The following PRSS12 variants were observed in gnomAD, a reference collection of about 807,000 sequenced individuals.
PRSS12 encodes the protein neurotrypsin.
A neutral mutation model predicts 104.4 loss-of-function variants in PRSS12; 85 were observed. That is an observed-to-expected ratio of 0.81 (90% CI 0.68 to 0.98). The LOEUF (loss-of-function observed/expected upper bound fraction) is 0.98, where lower values mean the gene tolerates loss of function less well. PRSS12 is among the 50% of genes least tolerant of loss of function. The pLI is 0.00. For synonymous variants in PRSS12, 454 were observed against 425.2 expected (o/e 1.07, Z -0.83); for missense variants, 1,141 against 1,139.2 (o/e 1.00, Z -0.02).
At chr4:118,289,551 T>C (rs995889842) in intron 11 of PRSS12, among the ~76,000 whole-genome samples, 5 of 152,210 alleles carry the variant, frequency 3.3e-5, no homozygotes, top group African/African-American at 1.2e-4. Flanking sequence ...ACATTGCTTC[T>C]AGATTACAGT....
chr4:118,313,417 A>C lies in PRSS12; in HGVS notation c.1293-20T>G. ...CCATATCTGTGACAATTGAATAAAC[A>C]CTGTGTATAGAACTTCTGTCTCTTG... On this transcript the variant is annotated intron_variant, in intron 6 of 12. Transcript: ENST00000296498. 6.2e-7 allele frequency: 1 copy of C among 1,611,822 alleles called. No homozygotes were observed. Among genetic ancestry groups the C allele is most frequent in the Non-Finnish European group, 8.5e-7 (1 of 1,178,020 alleles).
intron 5 of PRSS12, among the ~76,000 whole-genome samples, chr4:118,317,662 A>G (rs533967464): frequency 1.1e-4 from 17 of 152,348 alleles, no homozygotes; most frequent in Admixed American, 2.6e-4. Flanking sequence ...CTGCATGTAT[A>G]GAAGTATGTG....
chr4:118,340,879 CTGAG>C (rs763637068), intron 1 of PRSS12, among the ~76,000 whole-genome samples: 13 of 152,286 alleles, frequency 8.5e-5, no homozygotes, highest in Admixed American at 2.6e-4. Flanking sequence ...TCTCAATAGA[CTGAG>C]TGGGGAAACC....
intron 8 of PRSS12, chr4:118,303,157 C>T (rs1377790363): frequency 2.6e-5 from 4 of 151,306 alleles, no homozygotes; most frequent in Non-Finnish European, 5.9e-5. Context: ...TTAAAGAGAA[C>T]TTCCAGAAAA....
intron 4 of PRSS12, among the ~76,000 whole-genome samples, chr4:118,323,868 AAT>A (rs1723696812): frequency 6.6e-6 from 1 of 151,538 alleles, no homozygotes; most frequent in African/African-American, 2.4e-5. Context: ...TACTTATATA[AAT>A]ATGTGTGTGT....
chr4:118,299,784 TAAAATAAAATAAATAAAATAAAATAAATA>T (rs1743358013), intron 8 of PRSS12, among the ~76,000 whole-genome samples: 2 of 89,036 alleles, frequency 2.2e-5, no homozygotes, highest in African/African-American at 7.4e-5. Context: ...TAAAATAAAA[TAAAATAAAATAAATAAAATAAAATAAATA>T]AAATAAAATA....
At chr4:118,310,784 C>T (rs1481041783) in intron 7 of PRSS12, among the ~76,000 whole-genome samples, 2 of 152,312 alleles carry the variant, frequency 1.3e-5, no homozygotes, top group East Asian at 1.9e-4. Context: ...GGCTCAGTGG[C>T]TCACACCTGT....
In PRSS12 at chr4:118,282,174, C is replaced by T. The variant is rs147071682; in HGVS notation, c.2390G>A (p.Arg797His). The change falls in exon 13 of 13, where the codon CGT (arginine) becomes CAT (histidine). Residue 797 changes from arginine (R) to histidine (H), a missense_variant. Coordinates refer to ENST00000296498, the MANE Select transcript of PRSS12 (RefSeq NM_003619.4). ...TCTCCCTGTAAACCGACCCTTATAACGTTCTTCACAAAACCTTTTAGGAAG... is the reference window on the plus strand; with the variant it reads ...TCTCCCTGTAAACCGACCCTTATAATGTTCTTCACAAAACCTTTTAGGAAG... ...PLLPKRFCEE[R>H]YKGRFTGRML... 2.5e-5 allele frequency: 41 copies of T among 1,614,104 alleles called. No homozygotes were observed. Among genetic ancestry groups the T allele is most frequent in the East Asian group, 6.7e-5 (3 of 44,894 alleles).
chr4:118,352,650 A>T lies in PRSS12; in HGVS notation c.71T>A (p.Val24Asp). The stretch of plus-strand genomic sequence containing the variant: ...GCTGTGGTGGAGGGAATCATTGAGG[A>T]CAGAATCAAAGCCGACCACTTCGGG... ...ALPEVVGFDS[V>D]LNDSLHHSHR... Residue 24 changes from valine (V) to aspartate (D), a missense_variant, in exon 1 of 13, where the codon GTC (valine) becomes GAC (aspartate). Physicochemically the swap from Val to Asp is radical, Grantham distance 152. Transcript: ENST00000296498. The T allele has an allele frequency of 6.2e-7, 1 of 1,613,272 alleles. No homozygotes were observed. Among genetic ancestry groups the T allele is most frequent in the Non-Finnish European group, 8.5e-7 (1 of 1,179,586 alleles).
intron 2 of PRSS12, among the ~76,000 whole-genome samples, chr4:118,336,388 G>A (rs546167185): frequency 5.6e-5 from 3 of 53,920 alleles, no homozygotes; most frequent in African/African-American, 1.0e-4. Flanking sequence ...GTACAAACTG[G>A]CATTAAATTT....
chr4:118,309,299 A>C (rs1215654999), intron 7 of PRSS12, among the ~76,000 whole-genome samples: 1 of 152,202 alleles, frequency 6.6e-6, no homozygotes. Flanking sequence ...TATGATTTTG[A>C]ATCGAAACTC....
At chr4:118,299,230 G>A (rs977396263) in intron 8 of PRSS12, among the ~76,000 whole-genome samples, 6 of 151,972 alleles carry the variant, frequency 3.9e-5, no homozygotes, top group Non-Finnish European at 8.8e-5. Flanking sequence ...TTTAACTCTC[G>A]TTTAAGCAGG....
chr4:118,350,847 C>T (rs1724481335), intron 1 of PRSS12, among the ~76,000 whole-genome samples: 1 of 152,310 alleles, frequency 6.6e-6, no homozygotes, highest in Non-Finnish European at 1.5e-5. Flanking sequence ...CTCTCCTACA[C>T]ATTCATTCTC....
At chr4:118,298,673 T>C in intron 9 of PRSS12, 60 bp downstream of exon 9, 2 of 1,443,024 alleles carry the variant, frequency 1.4e-6, no homozygotes, top group Non-Finnish European at 2.0e-6. Context: ...GTACTGCTTA[T>C]AGTAATGGAA....
intron 1 of PRSS12, among the ~76,000 whole-genome samples, chr4:118,351,565 A>G (rs1724505853): frequency 6.6e-6 from 1 of 152,180 alleles, no homozygotes; most frequent in Non-Finnish European, 1.5e-5. Context: ...AACTATATTA[A>G]GTTGCTACTT....
At chr4:118,316,058 C>T (rs1015020433) in intron 6 of PRSS12, 124 bp downstream of exon 6, 1 of 1,054,608 alleles carries the variant, frequency 9.5e-7, no homozygotes, top group Non-Finnish European at 1.4e-6. Flanking sequence ...GTTGTACTTC[C>T]ATACACAGGT....
intron 11 of PRSS12, among the ~76,000 whole-genome samples, chr4:118,290,036 A>G (rs924876790): frequency 6.6e-6 from 1 of 152,182 alleles, no homozygotes; most frequent in African/African-American, 2.4e-5. Context: ...ATAATTCACT[A>G]TCTGGCAACT....
intron 1 of PRSS12, among the ~76,000 whole-genome samples, chr4:118,344,289 T>C (rs1724294857): frequency 6.6e-6 from 1 of 152,164 alleles, no homozygotes; most frequent in Non-Finnish European, 1.5e-5. Context: ...CTATCAATTA[T>C]AAAATATATT....
At chr4:118,323,629 C>G (rs1213630976) in intron 4 of PRSS12, among the ~76,000 whole-genome samples, 1 of 151,548 alleles carries the variant, frequency 6.6e-6, no homozygotes, top group East Asian at 1.9e-4. Context: ...TCCTAGGAAA[C>G]CCAGAAGTCA....
Sources: gnomAD v4.1 joint callset for allele counts (sites outside exome capture counted in the v4.1 genomes callset) on GRCh38, gnomAD v4.1.1 for gene constraint, MANE v1.5 for transcripts, NCBI Gene and HGNC (gene_info 2026-07-23, HGNC 2026-07-21) for gene names.